MRRF: variants seen among roughly 807,000 people sequenced by gnomAD.
The protein encoded by MRRF is ribosome-recycling factor, mitochondrial.
MRRF carries 18 observed loss-of-function variants against 25.1 expected under a neutral mutation model. The observed-to-expected ratio is 0.72, with a 90% CI of 0.50 to 1.06. MRRF has a LOEUF of 1.06. Ranked by LOEUF, MRRF falls within the 50% of genes least tolerant of loss-of-function variation. The pLI is 0.00. For synonymous variants in MRRF, 113 were observed against 112.1 expected, an observed-to-expected ratio of 1.01 and a Z score of -0.05; for missense variants, 323 against 319.3, an observed-to-expected ratio of 1.01 and a Z score of -0.09.
At chr9:122,280,677 GCTTTGCCATTTACTAA>G (rs1282472203) in intron 3 of MRRF, 79 bp downstream of exon 3, 1 of 1,438,206 alleles carries the variant, frequency 7.0e-7, no homozygotes, top group Non-Finnish European at 9.8e-7. Context: ...TTTAGTCCCA[GCTTTGCCATTTACTAA>G]CTGGTGGCCA....
At chr9:122,286,430 C>T (rs981405943) in intron 4 of MRRF, among the ~76,000 whole-genome samples, 1 of 152,092 alleles carries the variant, frequency 6.6e-6, no homozygotes, top group Non-Finnish European at 1.5e-5. Flanking sequence ...TTGTGCCAGG[C>T]GTGGTGGCTC....
intron 6 of MRRF, among the ~76,000 whole-genome samples, chr9:122,319,064 A>G (rs1327439582): frequency 6.6e-6 from 1 of 152,280 alleles, no homozygotes; most frequent in Middle Eastern, 3.4e-3. Context: ...GGACCCCTCC[A>G]AAAGGGAATA....
At position 122,291,792 on chromosome 9, in the gene MRRF, A is replaced by G. The variant is rs1397215483; in HGVS notation, c.503A>G (p.Asn168Ser). 2 of 1,613,936 alleles carry G rather than the reference A, an allele frequency of 1.2e-6. No individual in the cohort carries two copies. The highest frequency in any genetic ancestry group is 1.7e-6 in the Non-Finnish European group (2 of 1,179,882). ...AIKAIRESGM[N>S]LNPEVEGTLI... Reference sequence around the variant, plus strand: ...AAGGCTATAAGAGAAAGTGGAATGAATCTGAACCCAGAAGTGGAAGGGACG... The same window carrying G: ...AAGGCTATAAGAGAAAGTGGAATGAGTCTGAACCCAGAAGTGGAAGGGACG... Residue 168 changes from asparagine to serine, a missense_variant, in exon 5 of 7, where the codon AAT (asparagine) becomes AGT (serine). Asn to Ser is a conservative substitution (Grantham distance 46). Coordinates refer to ENST00000344641, the MANE Select transcript of MRRF (RefSeq NM_138777.5).
intron 5 of MRRF, among the ~76,000 whole-genome samples, chr9:122,307,596 T>C (rs557811354): frequency 6.6e-6 from 1 of 152,340 alleles, no homozygotes; most frequent in African/African-American, 2.4e-5. Context: ...TGCATACATA[T>C]TGACAGCACG....
chr9:122,301,245 T>A (rs572188646), intron 5 of MRRF, among the ~76,000 whole-genome samples: 2 of 152,206 alleles, frequency 1.3e-5, no homozygotes, highest in Non-Finnish European at 2.9e-5. Context: ...GTCCCTCATA[T>A]GCTGATGTGC....
intron 5 of MRRF, among the ~76,000 whole-genome samples, chr9:122,303,064 A>G (rs1378170182): frequency 6.6e-6 from 1 of 152,118 alleles, no homozygotes. Flanking sequence ...CTTGTGTTAC[A>G]TGATTTCTTT....
intron 4 of MRRF, chr9:122,285,643 C>G: frequency 1.5e-6 from 1 of 674,082 alleles, no homozygotes; most frequent in Non-Finnish European, 2.2e-6. Flanking sequence ...TGATCATTGC[C>G]AGGCACAATG....
In MRRF at chr9:122,318,546, T is replaced by C. The variant is rs560778118; in HGVS notation, c.712-3994T>C. On this transcript the variant is annotated intron_variant, in intron 6 of 6. Transcript: ENST00000344641. Reference sequence around the variant, plus strand: ...TGGTCCAGGCAAGGCAGCGGGTGTTTTGAGCTAGGCCTCAGGAAGGATGGC... The same window carrying C: ...TGGTCCAGGCAAGGCAGCGGGTGTTCTGAGCTAGGCCTCAGGAAGGATGGC... Among the ~76,000 whole-genome samples, 13 of 152,298 alleles carry C rather than the reference T, an allele frequency of 8.5e-5. No individual in the cohort carries two copies. The East Asian group carries it at 2.5e-3, about 29-fold the overall frequency.
intron 2 of MRRF, among the ~76,000 whole-genome samples, chr9:122,275,902 A>G (rs1832740939): frequency 6.6e-6 from 1 of 151,562 alleles, no homozygotes; most frequent in African/African-American, 2.4e-5. Context: ...TTTCTTCTTT[A>G]TTTTTATTTC....
At chr9:122,276,855 A>C (rs1299896480) in intron 2 of MRRF, among the ~76,000 whole-genome samples, 1 of 151,998 alleles carries the variant, frequency 6.6e-6, no homozygotes, top group Non-Finnish European at 1.5e-5. Flanking sequence ...ATGCTTGTAG[A>C]TTGATCAGTT....
intron 5 of MRRF, among the ~76,000 whole-genome samples, chr9:122,292,389 A>G (rs918734095): frequency 5.9e-5 from 9 of 152,286 alleles, no homozygotes; most frequent in African/African-American, 2.2e-4. Context: ...TTTTTTTTAC[A>G]TTAGTCCTTG....
intron 5 of MRRF, among the ~76,000 whole-genome samples, chr9:122,302,726 G>T (rs1418299630): frequency 1.3e-5 from 2 of 152,166 alleles, no homozygotes; most frequent in African/African-American, 4.8e-5. Context: ...ATAAACCTAG[G>T]AGTGGTTTAT....
At chr9:122,297,308 C>CA (rs910201996) in intron 5 of MRRF, among the ~76,000 whole-genome samples, 32 of 150,578 alleles carry the variant, frequency 2.1e-4, no homozygotes, top group African/African-American at 4.6e-4. Context: ...GACTCCATCT[C>CA]AAAAAAAAAG....
At chr9:122,308,385 CTTTTTTTTTTT>C (rs869284152) in intron 5 of MRRF, among the ~76,000 whole-genome samples, 1 of 124,214 alleles carries the variant, frequency 8.1e-6, no homozygotes, top group South Asian at 2.6e-4. Context: ...CTGTTTTAGT[CTTTTTTTTTTT>C]TTTTTTTTAA....
At chr9:122,271,530 G>A (rs1422735157) in intron 2 of MRRF, among the ~76,000 whole-genome samples, 3 of 152,200 alleles carry the variant, frequency 2.0e-5, no homozygotes, top group African/African-American at 4.8e-5. Context: ...AGACTCTGAT[G>A]TACTGCAGGT....
At chr9:122,278,732 A>G (rs955266662) in intron 2 of MRRF, among the ~76,000 whole-genome samples, 2 of 152,144 alleles carry the variant, frequency 1.3e-5, no homozygotes, top group Non-Finnish European at 2.9e-5. Context: ...AAAGTGTTCT[A>G]AGTTTTAATC....
At chr9:122,285,796 AACAAT>A (rs1465841320) in intron 4 of MRRF, 6 of 1,281,006 alleles carry the variant, frequency 4.7e-6, no homozygotes, top group Non-Finnish European at 5.1e-6. Context: ...AAGCAAATAA[AACAAT>A]ACTTTAATGG....
At chr9:122,316,433 C>CTTTG in intron 6 of MRRF, among the ~76,000 whole-genome samples, 1 of 152,256 alleles carries the variant, frequency 6.6e-6, no homozygotes, top group South Asian at 2.1e-4. Context: ...ACCTCAGCCC[C>CTTTG]CCAAAGTGCT....
intron 2 of MRRF, among the ~76,000 whole-genome samples, chr9:122,278,367 A>G (rs1262847852): frequency 1.3e-5 from 2 of 152,208 alleles, no homozygotes; most frequent in African/African-American, 2.4e-5. Context: ...TCTTTCTAGT[A>G]AGTACTACCC....
Sources: gnomAD v4.1 joint callset for allele counts (sites outside exome capture counted in the v4.1 genomes callset) on GRCh38, gnomAD v4.1.1 for gene constraint, MANE v1.5 for transcripts, NCBI Gene and HGNC (gene_info 2026-07-23, HGNC 2026-07-21) for gene names.